Variants in FBXO34 observed in about 807,000 individuals in gnomAD.
FBXO34 encodes the protein F-box protein 34.
Under a neutral mutation model 24.5 loss-of-function variants are expected in FBXO34, and 12 were observed. That is an observed-to-expected ratio of 0.49 (90% CI 0.31 to 0.79). FBXO34 has a LOEUF of 0.79. FBXO34 is among the 30% of genes least tolerant of loss of function. The pLI is 0.04. For synonymous variants in FBXO34, 320 were observed against 311.9 expected (o/e 1.03, Z -0.27); for missense variants, 823 against 857.7 (o/e 0.96, Z 0.51).
chr14:55,304,321 T>C (rs1286195405), intron 1 of FBXO34, among the ~76,000 whole-genome samples: 2 of 152,194 alleles, frequency 1.3e-5, no homozygotes, highest in Non-Finnish European at 2.9e-5. Context: ...ATGGTTATTC[T>C]CATCCTTGAA....
chr14:55,360,459 A>G (rs1884578969), intron 3 of FBXO34, among the ~76,000 whole-genome samples: 1 of 152,164 alleles, frequency 6.6e-6, no homozygotes, highest in South Asian at 2.1e-4. Flanking sequence ...TTTCAGTCAC[A>G]TCTTCAGGCT....
chr14:55,396,799 C>A, the FBXO34 span, among the ~76,000 whole-genome samples: 1 of 152,054 alleles, frequency 6.6e-6, no homozygotes, highest in East Asian at 1.9e-4. Flanking sequence ...CCTAGGGGGT[C>A]AGAGATTCAT....
At chr14:55,292,258 TC>T (rs570609307) in intron 1 of FBXO34, among the ~76,000 whole-genome samples, 42 of 152,348 alleles carry the variant, frequency 2.8e-4, no homozygotes, top group Non-Finnish European at 5.6e-4. Flanking sequence ...ATGTTAAGTG[TC>T]CTTAATTATA....
At chr14:55,329,873 G>A (rs1165021353) in intron 1 of FBXO34, among the ~76,000 whole-genome samples, 1 of 151,866 alleles carries the variant, frequency 6.6e-6, no homozygotes, top group East Asian at 1.9e-4. Flanking sequence ...TTTTTGACTA[G>A]CGTTTTTACA....
At chr14:55,428,755 G>A in the FBXO34 span, 3 of 1,535,448 alleles carry the variant, frequency 2.0e-6, no homozygotes, top group Non-Finnish European at 2.6e-6. Context: ...AACCCATAAT[G>A]TAACTTAAAT....
chr14:55,436,936 T>A, the FBXO34 span: 2 of 1,614,090 alleles, frequency 1.2e-6, no homozygotes, highest in Non-Finnish European at 8.5e-7. Flanking sequence ...AAATGCAGTA[T>A]CCGGATTGGA....
intron 1 of FBXO34, among the ~76,000 whole-genome samples, chr14:55,290,398 A>AT (rs35154123): frequency 0.1 from 15,342 of 151,910 alleles, 2,143 homozygotes; most frequent in African/African-American, 0.31. Context: ...CTCAAAAAAA[A>AT]AAAATAAATA....
chr14:55,392,005 C>G, the FBXO34 span, among the ~76,000 whole-genome samples: 1 of 152,144 alleles, frequency 6.6e-6, no homozygotes, highest in African/African-American at 2.4e-5. Flanking sequence ...CAGTGGTCCC[C>G]AACTTTTTTG....
chr14:55,295,885 TG>T (rs1176347421), intron 1 of FBXO34, among the ~76,000 whole-genome samples: 1 of 152,216 alleles, frequency 6.6e-6, no homozygotes, highest in Non-Finnish European at 1.5e-5. Flanking sequence ...AACAGCTTAG[TG>T]GAACAGTAAT....
chr14:55,277,078 T>C (rs1881368623), intron 1 of FBXO34, among the ~76,000 whole-genome samples: 1 of 152,260 alleles, frequency 6.6e-6, no homozygotes, highest in Admixed American at 6.5e-5. Context: ...TTCATACATC[T>C]GTGTAATCCA....
intron 1 of FBXO34, among the ~76,000 whole-genome samples, chr14:55,343,853 G>C (rs1442486545): frequency 6.6e-6 from 1 of 152,130 alleles, no homozygotes; most frequent in Non-Finnish European, 1.5e-5. Context: ...GACTCTTTAG[G>C]TGTTAGGATT....
At chr14:55,302,459 T>TG (rs1882394779) in intron 1 of FBXO34, among the ~76,000 whole-genome samples, 1 of 150,778 alleles carries the variant, frequency 6.6e-6, no homozygotes, top group Admixed American at 6.6e-5. Flanking sequence ...TTTTGTTTTT[T>TG]TTTTTTTTTT....
At chr14:55,359,027 C>T (rs1202040565) in intron 3 of FBXO34, among the ~76,000 whole-genome samples, 2 of 151,994 alleles carry the variant, frequency 1.3e-5, no homozygotes, top group African/African-American at 4.8e-5. Context: ...GGAATGAACA[C>T]CTTGAGCCTC....
intron 3 of FBXO34, among the ~76,000 whole-genome samples, chr14:55,360,131 G>T (rs1301132755): frequency 1.3e-5 from 2 of 151,948 alleles, no homozygotes; most frequent in Non-Finnish European, 1.5e-5. Flanking sequence ...GGAGTGCAGT[G>T]GTGCGATCTC....
At chr14:55,345,138 G>A (rs1323044467) in intron 1 of FBXO34, among the ~76,000 whole-genome samples, 1 of 152,070 alleles carries the variant, frequency 6.6e-6, no homozygotes, top group Non-Finnish European at 1.5e-5. Context: ...ATTTATTAAA[G>A]TGAATTTACC....
chr14:55,285,058 G>A (rs1039971695), intron 1 of FBXO34, among the ~76,000 whole-genome samples: 1 of 149,392 alleles, frequency 6.7e-6, no homozygotes, highest in Non-Finnish European at 1.5e-5. Context: ...AAACTGCAAA[G>A]ATCAGTTGTA....
rs1392456567 is a variant in FBXO34 at position 55,350,540 on chromosome 14, A to G, written c.150A>G (p.Ser50=). The G allele has an allele frequency of 1.9e-6, 3 of 1,613,734 alleles. No homozygotes were observed. The highest frequency in any genetic ancestry group is 3.3e-5 in the Admixed American group (2 of 59,896). The change falls in exon 2 of 2, where the codon TCA becomes TCG. Residue 50 remains serine, a synonymous_variant. Coordinates refer to ENST00000313833, the MANE Select transcript of FBXO34 (RefSeq NM_017943.4). The part of the protein sequence containing the change: ...ASHITSSVFP[S]ASLGKASSRK... ...ACATAACATCAAGTGTCTTTCCTTC[A>G]GCCTCTCTCGGTAAAGCATCATCTC...
chr14:55,292,394 C>G (rs922572520), intron 1 of FBXO34, among the ~76,000 whole-genome samples: 8 of 151,852 alleles, frequency 5.3e-5, no homozygotes, highest in Non-Finnish European at 8.8e-5. Flanking sequence ...GGGTCTTGCT[C>G]TGTCATTCAG....
rs553317019 is a variant in FBXO34 at position 55,351,569 on chromosome 14, G to A, written c.1179G>A (p.Ser393=). The part of the protein sequence containing the change: ...HIDSAELEPG[S]QTAVKNSNRY... ...ACAGTGCAGAGTTAGAGCCGGGTTC[G>A]CAAACTGCCGTGAAAAACAGCAACA... Residue 393 remains serine, a synonymous_variant, in exon 2 of 2, where the codon TCG becomes TCA. Coordinates refer to ENST00000313833, the MANE Select transcript of FBXO34 (RefSeq NM_017943.4). 17 of 1,614,118 alleles carry A rather than the reference G, an allele frequency of 1.1e-5. No individual in the cohort carries two copies. Among genetic ancestry groups the A allele is most frequent in the Middle Eastern group, 1.6e-4 (1 of 6,062 alleles).
Sources: gnomAD v4.1 joint callset for allele counts (sites outside exome capture counted in the v4.1 genomes callset) on GRCh38, gnomAD v4.1.1 for gene constraint, MANE v1.5 for transcripts, NCBI Gene and HGNC (gene_info 2026-07-23, HGNC 2026-07-21) for gene names.